The following PCDH9 variants were observed in gnomAD, a reference collection of about 807,000 sequenced individuals.
PCDH9 encodes the protein protocadherin-9.
Under a neutral mutation model 70.6 loss-of-function variants are expected in PCDH9, and 24 were observed. The observed-to-expected ratio is 0.34, with a 90% CI of 0.25 to 0.48. PCDH9 has a LOEUF of 0.48. Ranked by LOEUF, PCDH9 falls within the 20% of genes least tolerant of loss-of-function variation. PCDH9 has a pLI of 0.99. For missense variants in PCDH9, 1,281 were observed against 1,503.6 expected, an observed-to-expected ratio of 0.85 and a Z score of 2.45; for synonymous variants, 562 against 558.5, an observed-to-expected ratio of 1.01 and a Z score of -0.09.
intron 2 of PCDH9, among the ~76,000 whole-genome samples, chr13:67,188,280 T>C (rs1470952553): frequency 6.6e-6 from 1 of 152,132 alleles, no homozygotes; most frequent in Non-Finnish European, 1.5e-5. Context: ...ATAAAAGATA[T>C]TTTATGTCAA....
At chr13:67,140,230 T>C (rs964545682) in intron 2 of PCDH9, among the ~76,000 whole-genome samples, 1 of 152,128 alleles carries the variant, frequency 6.6e-6, no homozygotes, top group Non-Finnish European at 1.5e-5. Context: ...CTGGCTCACA[T>C]TGCCAGAACT....
intron 3 of PCDH9, among the ~76,000 whole-genome samples, chr13:66,718,206 G>A (rs1593946244): frequency 6.6e-6 from 1 of 152,048 alleles, no homozygotes; most frequent in Non-Finnish European, 1.5e-5. Flanking sequence ...TAAGTACAAA[G>A]GTTAGAATTC....
intron 3 of PCDH9, among the ~76,000 whole-genome samples, chr13:66,853,172 T>C (rs1338376698): frequency 6.7e-6 from 1 of 149,596 alleles, no homozygotes; most frequent in African/African-American, 2.4e-5. Flanking sequence ...TAAAAAAAGT[T>C]AGTTTACCAG....
intron 2 of PCDH9, among the ~76,000 whole-genome samples, chr13:66,904,031 T>G (rs1566280595): frequency 1.3e-5 from 2 of 151,830 alleles, no homozygotes; most frequent in Non-Finnish European, 2.9e-5. Context: ...GCATAATTCC[T>G]CCCCCAACAA....
chr13:66,761,234 C>A (rs527498401), intron 3 of PCDH9, among the ~76,000 whole-genome samples: 90 of 152,206 alleles, frequency 5.9e-4, no homozygotes, highest in African/African-American at 2.1e-3. Flanking sequence ...GATGTCACCC[C>A]CGGAAACCCA....
At chr13:66,995,342 G>T (rs1250687072) in intron 2 of PCDH9, among the ~76,000 whole-genome samples, 1 of 152,126 alleles carries the variant, frequency 6.6e-6, no homozygotes, top group African/African-American at 2.4e-5. Flanking sequence ...AAGCACCACG[G>T]GCGAAGTGAG....
chr13:66,437,921 A>T (rs1267662023), intron 4 of PCDH9, among the ~76,000 whole-genome samples: 1 of 152,048 alleles, frequency 6.6e-6, no homozygotes, highest in Non-Finnish European at 1.5e-5. Flanking sequence ...TGCTGTTTCT[A>T]TGGTTGTTTT....
chr13:67,130,903 T>A (rs867924217), intron 2 of PCDH9, among the ~76,000 whole-genome samples: 1 of 152,144 alleles, frequency 6.6e-6, no homozygotes, highest in African/African-American at 2.4e-5. Context: ...CCCCCCTCTT[T>A]CTGTGTGTGT....
intron 3 of PCDH9, among the ~76,000 whole-genome samples, chr13:66,708,707 A>G (rs2078751219): frequency 6.6e-6 from 1 of 152,226 alleles, no homozygotes; most frequent in Non-Finnish European, 1.5e-5. Context: ...TGTGACTCAA[A>G]TAACAGACAC....
At chr13:66,522,046 T>C (rs1341101926) in intron 4 of PCDH9, among the ~76,000 whole-genome samples, 1 of 147,924 alleles carries the variant, frequency 6.8e-6, no homozygotes, top group East Asian at 2.0e-4. Flanking sequence ...CATATATATA[T>C]ATATATAGTT....
intron 4 of PCDH9, among the ~76,000 whole-genome samples, chr13:66,496,123 G>A (rs1010013990): frequency 3.3e-5 from 5 of 152,036 alleles, no homozygotes; most frequent in East Asian, 1.9e-4. Context: ...CATTTCCCCC[G>A]ATTAGGGAAA....
At chr13:66,379,033 ACC>A (rs1402237740) in intron 4 of PCDH9, among the ~76,000 whole-genome samples, 13 of 152,222 alleles carry the variant, frequency 8.5e-5, no homozygotes, top group Non-Finnish European at 2.9e-5. Flanking sequence ...GGCAATCCCT[ACC>A]TAATTGTTTA....
chr13:66,380,304 T>C (rs1326988618), intron 4 of PCDH9, among the ~76,000 whole-genome samples: 1 of 152,092 alleles, frequency 6.6e-6, no homozygotes, highest in Non-Finnish European at 1.5e-5. Flanking sequence ...TTTCAAGAAA[T>C]AAACTTTAAA....
chr13:66,410,387 A>G lies in PCDH9; in HGVS notation c.3341-105359T>C, dbSNP rs1037452548. Reference sequence around the variant, plus strand: ...AATTATATTCATATACAACTAATGAACAATTAGATGTAATCCCACAAGTAA... The same window carrying G: ...AATTATATTCATATACAACTAATGAGCAATTAGATGTAATCCCACAAGTAA... On this transcript the variant is annotated intron_variant, in intron 4 of 4. Transcript: ENST00000377865. Among the ~76,000 whole-genome samples, 5 of 152,324 alleles carry G rather than the reference A, an allele frequency of 3.3e-5. No homozygotes were observed. The South Asian group carries it at 1.0e-3, about 32-fold the overall frequency.
intron 2 of PCDH9, among the ~76,000 whole-genome samples, chr13:66,934,466 G>T (rs2139668906): frequency 6.7e-6 from 1 of 149,492 alleles, no homozygotes. Context: ...ACTTGAACCC[G>T]GGAGCCGGAG....
At chr13:66,694,511 G>T (rs1297610185) in intron 3 of PCDH9, among the ~76,000 whole-genome samples, 1 of 152,048 alleles carries the variant, frequency 6.6e-6, no homozygotes, top group Non-Finnish European at 1.5e-5. Context: ...GTACTAGTAG[G>T]TTAAAAAATA....
intron 2 of PCDH9, among the ~76,000 whole-genome samples, chr13:67,076,026 T>G (rs1044355809): frequency 6.6e-6 from 1 of 152,152 alleles, no homozygotes; most frequent in East Asian, 1.9e-4. Context: ...AAAATTAAAA[T>G]AAACAAATGT....
rs1255795529 is a variant in PCDH9, at chr13:66,375,282, T to C, written c.3341-70254A>G. 4.6e-5 allele frequency among the ~76,000 whole-genome samples: 7 copies of C among 152,236 alleles called. No homozygotes were observed. In the East Asian group the frequency reaches 7.7e-4, roughly 17 times the overall value. ...AACCCCACATGTCATCTGTAATTAGTAAAACTTAGCAACCTGGAAACTTTT... is the reference window on the plus strand; with the variant it reads ...AACCCCACATGTCATCTGTAATTAGCAAAACTTAGCAACCTGGAAACTTTT... On this transcript the variant is annotated intron_variant, in intron 4 of 4. Transcript: ENST00000377865.
chr13:66,979,358 ATATTT>A (rs2083690588), intron 2 of PCDH9, among the ~76,000 whole-genome samples: 1 of 152,162 alleles, frequency 6.6e-6, no homozygotes, highest in Non-Finnish European at 1.5e-5. Context: ...AAACTCCTTC[ATATTT>A]TATCCAAAGT....
Sources: gnomAD v4.1 joint callset for allele counts (sites outside exome capture counted in the v4.1 genomes callset) on GRCh38, gnomAD v4.1.1 for gene constraint, MANE v1.5 for transcripts, NCBI Gene and HGNC (gene_info 2026-07-23, HGNC 2026-07-21) for gene names.